The following WDFY4 variants were observed in gnomAD, a reference collection of about 807,000 sequenced individuals.
WDFY4 encodes WDFY family member 4, also known as WD repeat- and FYVE domain-containing protein 4.
In WDFY4, 169 loss-of-function variants were observed where a neutral mutation model predicts 351.9. The observed-to-expected ratio is 0.48, with a 90% confidence interval of 0.42 to 0.55. WDFY4 has a LOEUF of 0.55. Among genes scored for constraint, WDFY4 ranks in the 20% least tolerant of loss-of-function variants. The pLI is 0.00. For missense variants in WDFY4, 3,803 were observed against 3,935.6 expected (o/e 0.97, Z 0.90); for synonymous variants, 1,622 against 1,574.6 (o/e 1.03, Z -0.71).
At chr10:48,946,819 C>A in intron 50 of WDFY4, 41 bp from the exon 51 acceptor site, 1 of 1,436,976 alleles carries the variant, frequency 7.0e-7, no homozygotes, top group Non-Finnish European at 9.6e-7. Context: ...CGTGTGAGTG[C>A]AGGTAAGGAA....
intron 1 of WDFY4, among the ~76,000 whole-genome samples, chr10:48,703,722 A>C (rs531946965): frequency 6.6e-6 from 1 of 152,206 alleles, no homozygotes; most frequent in East Asian, 1.9e-4. Flanking sequence ...GTCAGGGATG[A>C]AAACAGTCAT....
intron 13 of WDFY4, among the ~76,000 whole-genome samples, chr10:48,762,827 C>A (rs1194575924): frequency 6.6e-6 from 1 of 152,200 alleles, no homozygotes; most frequent in African/African-American, 2.4e-5. Context: ...AGCTGCCAGG[C>A]CTGCCAAGGA....
intron 47 of WDFY4, among the ~76,000 whole-genome samples, chr10:48,918,593 A>G (rs1838763952): frequency 2.0e-5 from 3 of 152,252 alleles, no homozygotes; most frequent in Admixed American, 2.0e-4. Context: ...ATAAAATTGA[A>G]AGGAAAAATG....
At chr10:48,794,565 T>C (rs1042478797) in intron 23 of WDFY4, among the ~76,000 whole-genome samples, 48 of 151,862 alleles carry the variant, frequency 3.2e-4, no homozygotes, top group Middle Eastern at 3.4e-3. Flanking sequence ...AAAGAAGCTG[T>C]ACAGAGAGAA....
chr10:48,959,970 G>A (rs148856448), intron 53 of WDFY4, among the ~76,000 whole-genome samples, 157 bp downstream of exon 53: 3 of 152,316 alleles, frequency 2.0e-5, no homozygotes, highest in Non-Finnish European at 4.4e-5. Flanking sequence ...CCTTAGGTTG[G>A]CAAGGAAAGG....
intron 47 of WDFY4, 55 bp downstream of exon 47, chr10:48,901,918 C>G: frequency 6.8e-7 from 1 of 1,460,478 alleles, no homozygotes. Context: ...CTTTGATGTT[C>G]CTCCTCTGCC....
chr10:48,775,777 A>T lies in WDFY4; in HGVS notation c.2834A>T (p.His945Leu). The change falls in exon 15 of 62, where the codon CAC becomes CTC. Residue 945 changes from histidine (H) to leucine (L), a missense_variant. Transcript: ENST00000325239. Reference protein sequence around the residue: ...SATTKILDSSHTHRGNPGCSG... With the variant: ...SATTKILDSSLTHRGNPGCSG... ...ACAACAAAAATCCTTGATTCATCTC[A>T]CACACACAGAGGCAACCCTGGGTGC... 1 of 1,551,584 alleles carries T rather than the reference A, an allele frequency of 6.4e-7. No individual in the cohort carries two copies. Among genetic ancestry groups the T allele is most frequent in the Non-Finnish European group, 8.7e-7 (1 of 1,146,908 alleles).
intron 47 of WDFY4, among the ~76,000 whole-genome samples, chr10:48,915,394 C>T (rs1000553286): frequency 6.8e-6 from 1 of 146,668 alleles, no homozygotes; most frequent in African/African-American, 2.5e-5. Context: ...TTTTTAAAGG[C>T]CTCCTGTGCC....
chr10:48,856,605 CA>C (rs1385576636), intron 39 of WDFY4, among the ~76,000 whole-genome samples: 1 of 152,018 alleles, frequency 6.6e-6, no homozygotes, highest in Non-Finnish European at 1.5e-5. Flanking sequence ...GATACTATAC[CA>C]AAACTCAACA....
intron 23 of WDFY4, among the ~76,000 whole-genome samples, chr10:48,794,515 A>G (rs1333399699): frequency 6.6e-6 from 1 of 152,264 alleles, no homozygotes; most frequent in African/African-American, 2.4e-5. Flanking sequence ...CATCGCCACC[A>G]TGATGATATT....
rs181597417 is a variant in WDFY4, at chr10:48,815,520, G to T, written c.5340+1438G>T. Among the ~76,000 whole-genome samples the T allele has an allele frequency of 1.8e-3, 271 of 152,012 alleles. 2 individuals are homozygous for T. Among genetic ancestry groups the T allele is most frequent in the Middle Eastern group, 3.4e-3 (1 of 294 alleles). ...GTTGCCCAGGCTGGAGTGCAGTGGTGTGATTTCAGCTCACTCTAGCCTCTG... is the reference window on the plus strand; with the variant it reads ...GTTGCCCAGGCTGGAGTGCAGTGGTTTGATTTCAGCTCACTCTAGCCTCTG... On this transcript the variant is annotated intron_variant, in intron 31 of 61. Transcript: ENST00000325239.
At chr10:48,770,665 A>G (rs1460985551) in intron 13 of WDFY4, among the ~76,000 whole-genome samples, 2 of 152,234 alleles carry the variant, frequency 1.3e-5, no homozygotes, top group South Asian at 2.1e-4. Context: ...GGCCTTGGGA[A>G]GGGAGTCAAG....
At position 48,774,765 on chromosome 10, in the gene WDFY4, G is replaced by A. The variant is rs377495666; in HGVS notation, c.2768+93G>A. 128 of 1,423,886 alleles carry A rather than the reference G, an allele frequency of 9.0e-5. No individual in the cohort carries two copies. The Middle Eastern group carries it at 1.1e-3, about 13-fold the overall frequency. 88.2% of individuals were successfully genotyped at this position (1,423,886 alleles called of 1,614,324 possible). On this transcript the variant is annotated intron_variant, in intron 14 of 61. Coordinates refer to ENST00000325239, the MANE Select transcript of WDFY4 (RefSeq NM_001394531.1). ...ACAATGGGCAGTGGAGAGACTGCAGGGACAGATGGAGGGCACGGCTCTGTC... is the reference window on the plus strand; with the variant it reads ...ACAATGGGCAGTGGAGAGACTGCAGAGACAGATGGAGGGCACGGCTCTGTC...
intron 4 of WDFY4, among the ~76,000 whole-genome samples, chr10:48,721,849 C>A (rs1358982690): frequency 6.6e-6 from 1 of 152,160 alleles, no homozygotes; most frequent in African/African-American, 2.4e-5. Flanking sequence ...TTCTAGAACC[C>A]ATGCTCTGAG....
intron 47 of WDFY4, among the ~76,000 whole-genome samples, chr10:48,924,870 A>G (rs987126916): frequency 2.6e-5 from 4 of 152,230 alleles, no homozygotes; most frequent in Non-Finnish European, 2.9e-5. Context: ...TTTGACTACA[A>G]TTTTAAGCAG....
chr10:48,753,180 T>C (rs969354686), intron 12 of WDFY4, among the ~76,000 whole-genome samples: 2 of 152,216 alleles, frequency 1.3e-5, no homozygotes, highest in Admixed American at 6.5e-5. Context: ...GGGAAACGTC[T>C]ATTCAAGGGC....
intron 43 of WDFY4, among the ~76,000 whole-genome samples, chr10:48,886,004 A>T (rs186252733): frequency 2.6e-5 from 4 of 152,328 alleles, no homozygotes; most frequent in Non-Finnish European, 5.9e-5. Flanking sequence ...ATTCAGAACA[A>T]GGTTGAGGCA....
chr10:48,712,183 G>T (rs943750530), intron 2 of WDFY4, among the ~76,000 whole-genome samples: 1 of 152,212 alleles, frequency 6.6e-6, no homozygotes, highest in Admixed American at 6.5e-5. Flanking sequence ...TATTAGTTGT[G>T]TGCTGTTGAG....
chr10:48,694,466 T>TA (rs1183258751), intron 1 of WDFY4, among the ~76,000 whole-genome samples: 1 of 151,528 alleles, frequency 6.6e-6, no homozygotes. Flanking sequence ...CACCACCCCC[T>TA]AGCCTCCTCC....
Sources: allele counts gnomAD v4.1 joint callset (sites outside exome capture counted in the v4.1 genomes callset), GRCh38; gene constraint gnomAD v4.1.1; transcripts MANE v1.5; gene names NCBI Gene and HGNC (gene_info 2026-07-23, HGNC 2026-07-21).